Variants in GNA14 observed in about 807,000 individuals in gnomAD.
GNA14 encodes G protein subunit alpha 14.
Under a neutral mutation model 42.0 loss-of-function variants are expected in GNA14, and 50 were observed. The ratio of observed to expected loss-of-function variants is 1.19; its 90% confidence interval spans 0.95 to 1.51. GNA14 has a LOEUF of 1.51. Among genes scored for constraint, GNA14 ranks in the 40% most tolerant of loss-of-function variants. The pLI, the probability that GNA14 is intolerant of heterozygous loss-of-function variation, is 0.00. For missense variants in GNA14, 473 were observed against 446.2 expected, an observed-to-expected ratio of 1.06 and a Z score of -0.54; for synonymous variants, 173 against 163.1, an observed-to-expected ratio of 1.06 and a Z score of -0.46.
At position 77,647,952 on chromosome 9, in the gene GNA14, G is replaced by T; in HGVS notation, c.-159C>A. 1.3e-6 allele frequency: 1 copy of T among 789,212 alleles called. No individual in the cohort carries two copies. Among genetic ancestry groups the T allele is most frequent in the Non-Finnish European group, 2.0e-6 (1 of 510,674 alleles). 48.9% of individuals were successfully genotyped at this position (789,212 alleles called of 1,614,324 possible). A position where few individuals can be genotyped will look rare whatever the true frequency, so the allele number is the denominator to read the frequency against. ...GGAGTAAGACGCCTGGACCTCCGAG[G>T]CTCAATCCCCCTTCGAAAGTCGGCT... On this transcript the variant is annotated 5_prime_UTR_variant, in exon 1 of 7. Coordinates refer to ENST00000341700, the MANE Select transcript of GNA14 (RefSeq NM_004297.4).
At chr9:77,460,459 A>C (rs1041508031) in intron 2 of GNA14, among the ~76,000 whole-genome samples, 1 of 152,206 alleles carries the variant, frequency 6.6e-6, no homozygotes, top group African/African-American at 2.4e-5. Flanking sequence ...CTGACCTCTG[A>C]GAGAATAAAG....
intron 2 of GNA14, among the ~76,000 whole-genome samples, chr9:77,496,528 T>C (rs1836872859): frequency 6.6e-6 from 1 of 152,182 alleles, no homozygotes; most frequent in Non-Finnish European, 1.5e-5. Context: ...GGCTCTCCCA[T>C]CTAACTGCAA....
intron 1 of GNA14, among the ~76,000 whole-genome samples, chr9:77,586,451 C>T (rs1302515995): frequency 1.3e-5 from 2 of 152,202 alleles, no homozygotes; most frequent in Admixed American, 6.5e-5. Context: ...TGAGGTGCTA[C>T]TTCACTCCCA....
intron 2 of GNA14, among the ~76,000 whole-genome samples, chr9:77,502,242 G>A (rs929701975): frequency 6.6e-6 from 1 of 151,950 alleles, no homozygotes; most frequent in African/African-American, 2.4e-5. Context: ...TAAAATCTTT[G>A]TCAGACAATA....
chr9:77,593,400 T>C (rs1221765047), intron 1 of GNA14, among the ~76,000 whole-genome samples: 1 of 151,348 alleles, frequency 6.6e-6, no homozygotes, highest in Non-Finnish European at 1.5e-5. Context: ...TGATCTTGGC[T>C]CACTGCAACC....
At chr9:77,582,585 C>T (rs900594284) in intron 1 of GNA14, among the ~76,000 whole-genome samples, 1 of 152,182 alleles carries the variant, frequency 6.6e-6, no homozygotes, top group Non-Finnish European at 1.5e-5. Context: ...TTTTTCACTT[C>T]TCTCCAGTCC....
intron 1 of GNA14, among the ~76,000 whole-genome samples, chr9:77,563,319 G>A (rs566040463): frequency 1.5e-3 from 224 of 151,502 alleles, no homozygotes; most frequent in Non-Finnish European, 2.7e-3. Flanking sequence ...TGTTTCCATG[G>A]TGACAAGAGA....
chr9:77,544,905 C>G (rs1387338007), intron 1 of GNA14, among the ~76,000 whole-genome samples: 1 of 152,144 alleles, frequency 6.6e-6, no homozygotes, highest in Non-Finnish European at 1.5e-5. Context: ...ACTTTGGACT[C>G]TCAGCCTTTA....
At chr9:77,535,534 C>T (rs560582340) in intron 1 of GNA14, among the ~76,000 whole-genome samples, 4 of 152,064 alleles carry the variant, frequency 2.6e-5, no homozygotes, top group Admixed American at 2.0e-4. Context: ...GGGCGACATG[C>T]GAGACTCTGT....
rs369383209 is a variant in GNA14, at chr9:77,435,228, G to A, written c.310-706C>T. Among the ~76,000 whole-genome samples the A allele has an allele frequency of 8.7e-4, 132 of 151,966 alleles. 1 individual carries two copies. Among genetic ancestry groups the A allele is most frequent in the African/African-American group, 3.0e-3 (126 of 41,478 alleles). Reference sequence around the variant, plus strand: ...AAAAATTAGCTGGGCATGGCGGCGCGTGCCTGTAATCCCAGCTACTCAGGA... The same window carrying A: ...AAAAATTAGCTGGGCATGGCGGCGCATGCCTGTAATCCCAGCTACTCAGGA... On this transcript the variant is annotated intron_variant, in intron 2 of 6. Transcript: ENST00000341700.
intron 2 of GNA14, among the ~76,000 whole-genome samples, chr9:77,463,414 G>T (rs1018297725): frequency 2.0e-5 from 3 of 152,182 alleles, no homozygotes; most frequent in Admixed American, 1.3e-4. Context: ...AACCAATGTT[G>T]TATTATATGT....
chr9:77,627,833 A>C (rs12001107), intron 1 of GNA14, among the ~76,000 whole-genome samples: 42,642 of 152,036 alleles, frequency 0.28, 6,882 homozygotes, highest in African/African-American at 0.44. Flanking sequence ...AAACTGGCCA[A>C]GACAAGGATA....
chr9:77,434,680 C>T (rs1439497963), intron 2 of GNA14, among the ~76,000 whole-genome samples, 158 bp from the exon 3 acceptor site: 1 of 152,192 alleles, frequency 6.6e-6, no homozygotes, highest in African/African-American at 2.4e-5. Flanking sequence ...ACAGCCAAGA[C>T]ACCCACTGCA....
Position 77,533,116 on chromosome 9 carries a change from CTGTTT to C in GNA14, c.125-3868_125-3864del, listed in dbSNP as rs1564046008. Among the ~76,000 whole-genome samples, 3 of 151,806 alleles carry C rather than the reference CTGTTT, an allele frequency of 2.0e-5. No individual in the cohort carries two copies. The East Asian group carries it at 5.8e-4, about 29-fold the overall frequency. ...AACGGCTCTTCTCCATTTAGTTTTT[CTGTTT>C]TCATATTTGAAAATAAAATCCAACA... On this transcript the variant is annotated intron_variant, in intron 1 of 6. Coordinates refer to ENST00000341700, the MANE Select transcript of GNA14 (RefSeq NM_004297.4).
At chr9:77,474,570 A>T (rs192217184) in intron 2 of GNA14, among the ~76,000 whole-genome samples, 1 of 152,338 alleles carries the variant, frequency 6.6e-6, no homozygotes, top group East Asian at 1.9e-4. Context: ...TCATGTGGCC[A>T]CTTTGAAAAA....
intron 2 of GNA14, among the ~76,000 whole-genome samples, chr9:77,487,016 G>A (rs376663883): frequency 3.0e-5 from 3 of 101,152 alleles, no homozygotes; most frequent in Admixed American, 9.3e-5. Flanking sequence ...CCTTCAATTT[G>A]TTAAAAAAAA....
intron 1 of GNA14, among the ~76,000 whole-genome samples, chr9:77,590,974 G>T (rs1823382398): frequency 6.6e-6 from 1 of 152,252 alleles, no homozygotes; most frequent in African/African-American, 2.4e-5. Context: ...GGGGGCAAAA[G>T]ATTCCACGTT....
At chr9:77,488,259 C>G (rs1410435676) in intron 2 of GNA14, among the ~76,000 whole-genome samples, 1 of 152,126 alleles carries the variant, frequency 6.6e-6, no homozygotes, top group Non-Finnish European at 1.5e-5. Context: ...CCAATCTACC[C>G]GGCACCAAGT....
At chr9:77,566,058 C>A (rs546816234) in intron 1 of GNA14, among the ~76,000 whole-genome samples, 2 of 151,996 alleles carry the variant, frequency 1.3e-5, no homozygotes, top group African/African-American at 4.8e-5. Flanking sequence ...AAGCAAAGAA[C>A]TGGCTGGCCC....
Sources: gnomAD v4.1 joint callset for allele counts (sites outside exome capture counted in the v4.1 genomes callset) on GRCh38, gnomAD v4.1.1 for gene constraint, MANE v1.5 for transcripts, NCBI Gene and HGNC (gene_info 2026-07-23, HGNC 2026-07-21) for gene names.